The following KLKB1 variants were observed in gnomAD, a reference collection of about 807,000 sequenced individuals.
KLKB1 encodes plasma kallikrein.
Under a neutral mutation model 73.6 loss-of-function variants are expected in KLKB1, and 58 were observed. That is an observed-to-expected ratio of 0.79 (90% CI 0.64 to 0.98). The LOEUF (loss-of-function observed/expected upper bound fraction) is 0.98, where lower values mean the gene tolerates loss of function less well. Among genes scored for constraint, KLKB1 ranks in the 50% least tolerant of loss-of-function variants. The probability of loss-of-function intolerance (pLI) is 0.00; values close to 1 mark genes in which losing one functional copy is unlikely to be tolerated. For synonymous variants in KLKB1, 280 were observed against 258.1 expected (o/e 1.08, Z -0.81); for missense variants, 737 against 763.8 (o/e 0.96, Z 0.41).
At chr4:186,215,039 C>T (rs1028525568) in intron 2 of KLKB1, among the ~76,000 whole-genome samples, 17 of 152,078 alleles carry the variant, frequency 1.1e-4, no homozygotes, top group Admixed American at 5.9e-4. Flanking sequence ...ACAGAAATAA[C>T]GGCTGTACTT....
intron 11 of KLKB1, among the ~76,000 whole-genome samples, chr4:186,254,155 A>G (rs1580039992): frequency 6.6e-6 from 1 of 152,298 alleles, no homozygotes; most frequent in South Asian, 2.1e-4. Flanking sequence ...TTTAAACAAC[A>G]CTAAAGTCCT....
In KLKB1 at chr4:186,251,332, A is replaced by G. The variant is rs1362841067; in HGVS notation, c.868+4A>G. On this transcript the variant is annotated splice_donor_region_variant and intron_variant, in intron 8 of 14. Coordinates refer to ENST00000264690, the MANE Select transcript of KLKB1 (RefSeq NM_000892.5). ...ACCTGCAAAAGAACTTTACCTGGTA[A>G]TGTGATTTGATAATAATATTACATA... The G allele has an allele frequency of 1.3e-6, 2 of 1,569,074 alleles. No homozygotes were observed. The highest frequency in any genetic ancestry group is 3.3e-5 in the Admixed American group (2 of 59,970).
chr4:186,234,137 G>A, intron 4 of KLKB1, 79 bp downstream of exon 4: 1 of 1,076,344 alleles, frequency 9.3e-7, no homozygotes, highest in Admixed American at 1.7e-5. Flanking sequence ...AGTTTGTACT[G>A]CTACAGCTTT....
rs754965474 is a variant in KLKB1, at chr4:186,232,171, G to T, written c.103G>T (p.Asp35Tyr). 2.5e-5 allele frequency: 40 copies of T among 1,613,854 alleles called. No homozygotes were observed. The Admixed American group carries it at 6.2e-4, about 25-fold the overall frequency. Residue 35 changes from aspartate to tyrosine, a missense_variant, in exon 3 of 15, where the codon GAT becomes TAT. By Grantham distance (160) the Asp-to-Tyr change is radical (BLOSUM62 -3). Coordinates refer to ENST00000264690, the MANE Select transcript of KLKB1 (RefSeq NM_000892.5). The stretch of plus-strand genomic sequence containing the variant: ...TGAAAACGCCTTCTTCAGAGGTGGG[G>T]ATGTAGCTTCCATGTACACCCCAAA... ...LYENAFFRGG[D>Y]VASMYTPNAQ...
chr4:186,214,724 A>G (rs1436452808), intron 2 of KLKB1, among the ~76,000 whole-genome samples: 1 of 152,214 alleles, frequency 6.6e-6, no homozygotes, highest in African/African-American at 2.4e-5. Flanking sequence ...CCTGCTGGCT[A>G]GCTGTATGCC....
Position 186,252,111 on chromosome 4 carries a change from A to G in KLKB1, c.1239A>G (p.Thr413=). ...PWQVSLQVKL[T]AQRHLCGGSL... ...AGGTGAGCCTGCAGGTGAAGCTGACAGCTCAGAGGCACCTGTGTGGAGGGT... is the reference window on the plus strand; with the variant it reads ...AGGTGAGCCTGCAGGTGAAGCTGACGGCTCAGAGGCACCTGTGTGGAGGGT... Residue 413 remains threonine, a synonymous_variant, in exon 11 of 15, where the codon ACA becomes ACG. Coordinates refer to ENST00000264690, the MANE Select transcript of KLKB1 (RefSeq NM_000892.5). 1 of 1,614,030 alleles carries G rather than the reference A, an allele frequency of 6.2e-7. No individual in the cohort carries two copies. Among genetic ancestry groups the G allele is most frequent in the Non-Finnish European group, 8.5e-7 (1 of 1,180,012 alleles).
chr4:186,228,107 T>C, intron 1 of KLKB1, 88 bp from the exon 2 acceptor site: 4 of 809,812 alleles, frequency 4.9e-6, no homozygotes, highest in Non-Finnish European at 8.5e-6. Flanking sequence ...ATTCAGACAT[T>C]TACAAGAAAA....
intron 12 of KLKB1, among the ~76,000 whole-genome samples, chr4:186,255,389 C>T (rs1298972357): frequency 2.0e-5 from 3 of 152,052 alleles, no homozygotes; most frequent in Non-Finnish European, 2.9e-5. Context: ...AGTGAGACCC[C>T]GTCTCTACAT....
chr4:186,212,898 G>A (rs1736774461), intron 2 of KLKB1: 1 of 152,126 alleles, frequency 6.6e-6, no homozygotes, highest in Non-Finnish European at 1.5e-5. Flanking sequence ...CAAGGAAGGA[G>A]GTGATACAAT....
At chr4:186,214,535 A>G (rs1736832545) in intron 2 of KLKB1, among the ~76,000 whole-genome samples, 1 of 152,232 alleles carries the variant, frequency 6.6e-6, no homozygotes, top group African/African-American at 2.4e-5. Context: ...ATGCAATACC[A>G]TTTAAGAAAA....
In KLKB1 at chr4:186,251,323, T is replaced by C. The variant is rs983002956; in HGVS notation, c.863T>C (p.Leu288Ser). 1.3e-6 allele frequency: 2 copies of C among 1,590,206 alleles called. No individual in the cohort carries two copies. Among genetic ancestry groups the C allele is most frequent in the African/African-American group, 2.7e-5 (2 of 74,418 alleles). The change falls in exon 8 of 15, where the codon TTA becomes TCA. Residue 288 changes from leucine (L) to serine (S), a missense_variant. Coordinates refer to ENST00000264690, the MANE Select transcript of KLKB1 (RefSeq NM_000892.5). The stretch of plus-strand genomic sequence containing the variant: ...AGCCTTTTAACCTGCAAAAGAACTT[T>C]ACCTGGTAATGTGATTTGATAATAA... ...GYSLLTCKRT[L>S]PEPCHSKIYP...
At chr4:186,225,962 T>C (rs1737155337), upstream of KLKB1, among the ~76,000 whole-genome samples, 1 of 152,088 alleles carries the variant, frequency 6.6e-6, no homozygotes, top group African/African-American at 2.4e-5. Context: ...TATCATTCCT[T>C]TTATTACTCT....
upstream of KLKB1, among the ~76,000 whole-genome samples, chr4:186,226,856 G>T (rs574109111): frequency 6.6e-6 from 1 of 152,152 alleles, no homozygotes. Context: ...TGGGGCTAAC[G>T]TGGAGGCTAG....
chr4:186,214,375 A>G (rs1389670613), intron 2 of KLKB1, among the ~76,000 whole-genome samples: 2 of 152,186 alleles, frequency 1.3e-5, no homozygotes, highest in Non-Finnish European at 2.9e-5. Flanking sequence ...TTATGACCAA[A>G]AGCGAGTTAG....
At chr4:186,238,110 C>T in intron 5 of KLKB1, 146 bp from the exon 6 acceptor site, 1 of 683,566 alleles carries the variant, frequency 1.5e-6, no homozygotes, top group Non-Finnish European at 2.7e-6. Context: ...GAAGGATGTC[C>T]ATTAGGTTAA....
intron 3 of KLKB1, 120 bp from the exon 4 acceptor site, chr4:186,233,831 TG>T: frequency 4.1e-6 from 3 of 728,314 alleles, no homozygotes; most frequent in Non-Finnish European, 7.3e-6. Flanking sequence ...CAGCAAGTAT[TG>T]GGGAAGCTAT....
chr4:186,247,322 T>C (rs1738405549), intron 6 of KLKB1, among the ~76,000 whole-genome samples: 1 of 149,670 alleles, frequency 6.7e-6, no homozygotes, highest in Admixed American at 6.7e-5. Flanking sequence ...AGAGAGTCAG[T>C]GAAGGGAGAT....
At chr4:186,235,829 A>C (rs1003627464) in intron 4 of KLKB1, among the ~76,000 whole-genome samples, 1 of 152,122 alleles carries the variant, frequency 6.6e-6, no homozygotes, top group Non-Finnish European at 1.5e-5. Context: ...TTTAAAAAAA[A>C]AAGAGGCCGG....
rs1259847292 is a variant in KLKB1, at chr4:186,256,086, A to C, written c.1584A>C (p.Lys528Asn). 2 of 1,589,260 alleles carry C rather than the reference A, an allele frequency of 1.3e-6. No homozygotes were observed. Among genetic ancestry groups the C allele is most frequent in the African/African-American group, 2.7e-5 (2 of 74,384 alleles). Residue 528 changes from lysine to asparagine, a missense_variant and splice_region_variant, in exon 13 of 15, where the codon AAA becomes AAC. Transcript: ENST00000264690. The part of the protein sequence containing the change: ...WVTGWGFSKE[K>N]GEIQNILQKV... ...CCGGATGGGGCTTCTCGAAGGAGAA[A>C]GGTAAGCATGACGCTTTAAATATTG... is the stretch of plus-strand genomic sequence containing the variant.
Sources: gnomAD v4.1 joint callset for allele counts (sites outside exome capture counted in the v4.1 genomes callset) on GRCh38, gnomAD v4.1.1 for gene constraint, MANE v1.5 for transcripts, NCBI Gene and HGNC (gene_info 2026-07-23, HGNC 2026-07-21) for gene names.